The following CLK3 variants were observed in gnomAD, a reference collection of about 807,000 sequenced individuals.
CLK3 encodes dual specificity protein kinase CLK3.
Under a neutral mutation model 65.2 loss-of-function variants are expected in CLK3, and 24 were observed. The observed-to-expected ratio is 0.37, with a 90% confidence interval of 0.27 to 0.52. CLK3 has a LOEUF of 0.52. CLK3 is among the 20% of genes least tolerant of loss of function. CLK3 has a pLI of 0.92. For missense variants in CLK3, 506 were observed against 660.0 expected (o/e 0.77, Z 2.56); for synonymous variants, 252 against 240.8 (o/e 1.05, Z -0.43).
Position 74,627,845 on chromosome 15 carries a change from TGAGA to T in CLK3, c.1043-121_1043-118del, listed in dbSNP as rs754919571. ...ACCTGGCTTTATCTGTCAGCCTTAC[TGAGA>T]GAGGGCCTCGTACTGGGATTTGGGC... On this transcript the variant is annotated intron_variant, in intron 9 of 12. Coordinates refer to ENST00000395066, the MANE Select transcript of CLK3 (RefSeq NM_001130028.2). This position sits in a 1 kb window ranked among gnomAD's most constrained non-coding sequence, Gnocchi z 4.3. The T allele has an allele frequency of 4.6e-4, 543 of 1,184,974 alleles. 1 individual carries two copies. Among genetic ancestry groups the T allele is most frequent in the Admixed American group, 9.1e-4 (51 of 56,216 alleles). 73.4% of individuals were successfully genotyped at this position (1,184,974 alleles called of 1,614,324 possible).
upstream of CLK3, chr15:74,615,658 C>T (rs2062048584): frequency 4.8e-6 from 6 of 1,247,096 alleles, no homozygotes; most frequent in Non-Finnish European, 6.0e-6. Flanking sequence ...CTCGTCCCCT[C>T]GGCCCTCCCG....
Position 74,624,272 on chromosome 15 carries a change from T to A in CLK3, c.534-630T>A, listed in dbSNP as rs1196648218. On this transcript the variant is annotated intron_variant, in intron 5 of 12. Coordinates refer to ENST00000395066, the MANE Select transcript of CLK3 (RefSeq NM_001130028.2). This position sits in a 1 kb window ranked among gnomAD's most constrained non-coding sequence, Gnocchi z 4.2. ...GGGGTGGGAGGCACAGAGCAGGGAC[T>A]GTTAAAACCTTCTTTGGACACTTAA... The A allele has an allele frequency of 6.6e-6, 1 of 152,458 alleles. No homozygotes were observed. Among genetic ancestry groups the A allele is most frequent in the Non-Finnish European group, 1.5e-5 (1 of 68,218 alleles). The allele number at this position is 152,458 out of a possible 1,614,324, so 9.4% of individuals were successfully genotyped here.
chr15:74,626,917 T>A, intron 7 of CLK3: 1 of 452,880 alleles, frequency 2.2e-6, no homozygotes, highest in East Asian at 6.9e-5. Context: ...GTGCTTGATT[T>A]AATGTCCTTT....
In CLK3 at chr15:74,619,118, A is replaced by G. The variant is rs574752275; in HGVS notation, c.1-79A>G. ...AGAACAATGGGCCTCTTCAGGAGCA[A>G]CCGGGAAGCCCCAGCAGCCCCATGG... On this transcript the variant is annotated intron_variant, in intron 1 of 12. Coordinates refer to ENST00000395066, the MANE Select transcript of CLK3 (RefSeq NM_001130028.2). 225 of 1,566,960 alleles carry G rather than the reference A, an allele frequency of 1.4e-4. 2 individuals carry two copies. The South Asian group carries it at 1.9e-3, about 13-fold the overall frequency.
intron 7 of CLK3, among the ~76,000 whole-genome samples, chr15:74,626,200 G>A (rs997432687): frequency 4.6e-5 from 7 of 152,168 alleles, no homozygotes; most frequent in Non-Finnish European, 1.0e-4. Flanking sequence ...CTACCCCCAG[G>A]CACTCAGGAA....
chr15:74,627,401 C>G lies in CLK3; in HGVS notation c.867C>G (p.Ile289Met), dbSNP rs1333673427. 6.2e-7 allele frequency: 1 copy of G among 1,614,154 alleles called. No individual in the cohort carries two copies. Among genetic ancestry groups the G allele is most frequent in the Non-Finnish European group, 8.5e-7 (1 of 1,180,020 alleles). Reference sequence around the variant, plus strand: ...ATACAGACTTGAAACCAGAGAACATCCTGTTTGTGAATTCTGAGTTTGAAA... The same window carrying G: ...ATACAGACTTGAAACCAGAGAACATGCTGTTTGTGAATTCTGAGTTTGAAA... ...LTHTDLKPEN[I>M]LFVNSEFETL... Residue 289 changes from isoleucine to methionine, a missense_variant, in exon 8 of 13, where the codon ATC (isoleucine) becomes ATG (methionine). Physicochemically the swap from Ile to Met is conservative, Grantham distance 10. Coordinates refer to ENST00000395066, the MANE Select transcript of CLK3 (RefSeq NM_001130028.2). The surrounding 1 kb of genome is among the most constrained non-coding windows in gnomAD (Gnocchi z 4.3).
chr15:74,617,480 T>G (rs745687407), intron 1 of CLK3, among the ~76,000 whole-genome samples: 19 of 152,250 alleles, frequency 1.2e-4, no homozygotes, highest in Admixed American at 3.3e-4. Context: ...TACTATTCCC[T>G]TGTTGCAAGA....
chr15:74,614,382 T>C (rs1217933750), upstream of CLK3, among the ~76,000 whole-genome samples: 1 of 152,054 alleles, frequency 6.6e-6, no homozygotes, highest in Non-Finnish European at 1.5e-5. Flanking sequence ...GGTGTGATCA[T>C]AGCTCACTGC....
rs1420230389 is a variant in CLK3 at position 74,628,972 on chromosome 15, A to G, written c.1236A>G (p.Leu412=). 3.7e-6 allele frequency: 6 copies of G among 1,613,894 alleles called. No individual in the cohort carries two copies. The Admixed American group carries it at 8.3e-5, about 22-fold the overall frequency. The change falls in exon 12 of 13, where the codon CTA becomes CTG. Residue 412 remains leucine, a synonymous_variant. Coordinates refer to ENST00000395066, the MANE Select transcript of CLK3 (RefSeq NM_001130028.2). ...AGAAATATTTCTACAAAGGGGGCCTAGTTTGGGATGAGAACAGCTCTGACG... is the reference window on the plus strand; with the variant it reads ...AGAAATATTTCTACAAAGGGGGCCTGGTTTGGGATGAGAACAGCTCTGACG... ...RKQKYFYKGG[L]VWDENSSDGR...
chr15:74,613,257 C>G (rs2062013991), upstream of CLK3: 1 of 152,244 alleles, frequency 6.6e-6, no homozygotes, highest in Non-Finnish European at 1.5e-5. Context: ...TGGGAGGATG[C>G]AGGGCAGCGG....
intron 5 of CLK3, chr15:74,623,646 C>T (rs536604087): frequency 3.3e-5 from 5 of 152,370 alleles, no homozygotes; most frequent in African/African-American, 9.6e-5. Flanking sequence ...CAGGTGGAGA[C>T]ATGGCAGACT....
intron 12 of CLK3, 183 bp downstream of exon 12, chr15:74,629,215 C>T: frequency 1.4e-6 from 1 of 700,684 alleles, no homozygotes; most frequent in Middle Eastern, 2.3e-4. Context: ...CCCAGAGGGG[C>T]CCTTAGCCCT....
Position 74,624,584 on chromosome 15 carries a change from C to G in CLK3, c.534-318C>G. 2.7e-6 allele frequency: 1 copy of G among 370,430 alleles called. No individual in the cohort carries two copies. The highest frequency in any genetic ancestry group is 3.8e-5 in the South Asian group (1 of 26,180). 22.9% of individuals were successfully genotyped at this position (370,430 alleles called of 1,614,324 possible). Reference sequence around the variant, plus strand: ...CCTATAGGTTAGGTCACTGTGTGAGCTCTTGGACTGGCACTGGTTAAGCAG... The same window carrying G: ...CCTATAGGTTAGGTCACTGTGTGAGGTCTTGGACTGGCACTGGTTAAGCAG... On this transcript the variant is annotated intron_variant, in intron 5 of 12. Transcript: ENST00000395066. This position sits in a 1 kb window ranked among gnomAD's most constrained non-coding sequence, Gnocchi z 4.2.
At chr15:74,628,877 C>T in intron 11 of CLK3, 65 bp from the exon 12 acceptor site, 3 of 1,239,198 alleles carry the variant, frequency 2.4e-6, no homozygotes, top group Non-Finnish European at 3.5e-6. Flanking sequence ...TGCTCTTCCC[C>T]ACCTCCCACC....
chr15:74,628,173 A>C, intron 10 of CLK3, 121 bp downstream of exon 10: 2 of 720,268 alleles, frequency 2.8e-6, no homozygotes, highest in Non-Finnish European at 5.0e-6. Flanking sequence ...CCCACTAATC[A>C]TCATGTGAGA....
At chr15:74,615,650 CGTCCCCTCGGCCCTCCCGGAACTA>C, upstream of CLK3, 2 of 1,249,278 alleles carry the variant, frequency 1.6e-6, no homozygotes, top group Non-Finnish European at 2.0e-6. Context: ...GGGCCAGGCT[CGTCCCCTCGGCCCTCCCGGAACTA>C]GTCTCCTAGG....
chr15:74,629,110 G>A (rs1459170427), intron 12 of CLK3, 78 bp downstream of exon 12: 1 of 1,119,618 alleles, frequency 8.9e-7, no homozygotes, highest in Non-Finnish European at 1.4e-6. Context: ...AGCAGAGACA[G>A]GCCAGGCCGC....
intron 1 of CLK3, among the ~76,000 whole-genome samples, chr15:74,617,109 C>T (rs912590154): frequency 6.6e-6 from 1 of 152,168 alleles, no homozygotes; most frequent in Non-Finnish European, 1.5e-5. Flanking sequence ...TCTGTTATTG[C>T]TTTGTGTGTG....
upstream of CLK3, chr15:74,615,551 C>A: frequency 7.8e-7 from 1 of 1,275,804 alleles, no homozygotes; most frequent in Non-Finnish European, 9.9e-7. Flanking sequence ...GGGGCCCCAC[C>A]TCTCGGCTCT....
Sources: allele counts gnomAD v4.1 joint callset (sites outside exome capture counted in the v4.1 genomes callset), GRCh38; gene constraint gnomAD v4.1.1; non-coding constraint Gnocchi (gnomAD v3.1); transcripts MANE v1.5; gene names NCBI Gene and HGNC (gene_info 2026-07-23, HGNC 2026-07-21).